DGKB: variants seen among roughly 807,000 people sequenced by gnomAD.
DGKB encodes the protein 90 kDa diacylglycerol kinase.
Under a neutral mutation model 114.3 loss-of-function variants are expected in DGKB, and 67 were observed. The ratio of observed to expected loss-of-function variants is 0.59; its 90% CI spans 0.48 to 0.72. The LOEUF (loss-of-function observed/expected upper bound fraction) is 0.72, where lower values mean the gene tolerates loss of function less well. Among genes scored for constraint, DGKB ranks in the 30% least tolerant of loss-of-function variants. DGKB has a pLI of 0.00. For missense variants in DGKB, 907 were observed against 975.2 expected (o/e 0.93, Z 0.93); for synonymous variants, 398 against 323.1 (o/e 1.23, Z -2.49).
chr7:14,884,797 T>A (rs577525077), intron 1 of DGKB, among the ~76,000 whole-genome samples: 1 of 152,054 alleles, frequency 6.6e-6, no homozygotes, highest in East Asian at 1.9e-4. Flanking sequence ...CAGAGGAAAT[T>A]AGGTAGGAAA....
intron 24 of DGKB, 88 bp from the exon 25 acceptor site, chr7:14,176,987 A>G (rs1282709327): frequency 1.2e-5 from 18 of 1,490,274 alleles, no homozygotes; most frequent in Non-Finnish European, 1.7e-5. Context: ...GAGACCAGGG[A>G]AGGCAATATG....
intron 1 of DGKB, among the ~76,000 whole-genome samples, chr7:14,853,867 CAAAAAAAAAAA>C (rs56269565): frequency 0.024 from 2,463 of 104,112 alleles, 76 homozygotes; most frequent in African/African-American, 0.082. Flanking sequence ...GACTCCGTCT[CAAAAAAAAAAA>C]AAAAAAAAAA....
intron 23 of DGKB, among the ~76,000 whole-genome samples, chr7:14,320,756 T>G (rs970866237): frequency 1.3e-5 from 2 of 152,058 alleles, no homozygotes; most frequent in African/African-American, 2.4e-5. Flanking sequence ...GATAAAGTAG[T>G]TAGAGCCATA....
At position 14,917,136 on chromosome 7, in the gene DGKB, G is replaced by A. The variant is rs1784280885; in HGVS notation, c.-188+57560C>T. ...AATATGTGGAACACAACAAAAGCAG[G>A]CTGAGAGGGGAAGTTTGTAGCACTG... is the stretch of plus-strand genomic sequence containing the variant. On this transcript the variant is annotated intron_variant, in intron 1 of 4. Transcript: ENST00000437998. 2.0e-5 allele frequency among the ~76,000 whole-genome samples: 3 copies of A among 151,852 alleles called. No individual in the cohort carries two copies. In the South Asian group the frequency reaches 6.2e-4, roughly 31 times the overall value.
At position 14,611,567 on chromosome 7, in the gene DGKB, A is replaced by T. The variant is rs1000771505; in HGVS notation, c.1358+1773T>A. Among the ~76,000 whole-genome samples the T allele has an allele frequency of 7.9e-5, 12 of 152,248 alleles. No individual in the cohort carries two copies. The East Asian group carries it at 2.3e-3, about 29-fold the overall frequency. On this transcript the variant is annotated intron_variant, in intron 16 of 25. Coordinates refer to ENST00000402815, the MANE Select transcript of DGKB (RefSeq NM_001350709.2). The stretch of plus-strand genomic sequence containing the variant: ...TGAAAACAGATCACCTTTAAAACAT[A>T]TTTACATTTCATTTGACTTCGCGTG...
chr7:14,322,225 A>G (rs189439205), intron 23 of DGKB, among the ~76,000 whole-genome samples: 2,009 of 152,224 alleles, frequency 0.013, 21 homozygotes, highest in Non-Finnish European at 0.024. Flanking sequence ...AGTGGCAGGG[A>G]TGAGTAGGTA....
At chr7:14,798,587 C>T (rs2128041687) in intron 2 of DGKB, among the ~76,000 whole-genome samples, 1 of 152,246 alleles carries the variant, frequency 6.6e-6, no homozygotes, top group Middle Eastern at 3.4e-3. Context: ...TTCCCTTGGT[C>T]CCTACAGTAC....
chr7:14,359,745 C>G (rs1404916880), intron 21 of DGKB, among the ~76,000 whole-genome samples: 2 of 152,086 alleles, frequency 1.3e-5, no homozygotes, highest in East Asian at 3.9e-4. Context: ...CAGAGAAATG[C>G]AAATCAAAAC....
intron 23 of DGKB, among the ~76,000 whole-genome samples, chr7:14,323,528 T>A (rs1166874748): frequency 6.6e-6 from 1 of 152,176 alleles, no homozygotes; most frequent in Non-Finnish European, 1.5e-5. Flanking sequence ...AAGCTTCTCT[T>A]AAGAGAGCAT....
At chr7:14,910,250 GAAAGAAA>G (rs1783918865) in intron 1 of DGKB, among the ~76,000 whole-genome samples, 1 of 9,312 alleles carries the variant, frequency 1.1e-4, no homozygotes, top group Non-Finnish European at 2.1e-4. Flanking sequence ...AAAAAAGAAA[GAAAGAAA>G]GAAAGAAAGA....
chr7:14,230,710 T>C (rs1270479525), intron 23 of DGKB, among the ~76,000 whole-genome samples: 1 of 142,608 alleles, frequency 7.0e-6, no homozygotes, highest in Non-Finnish European at 1.6e-5. Context: ...TTCTTACTAG[T>C]CTTATCTCTT....
chr7:14,749,381 T>C (rs948801333), intron 4 of DGKB, among the ~76,000 whole-genome samples: 1 of 152,146 alleles, frequency 6.6e-6, no homozygotes, highest in Non-Finnish European at 1.5e-5. Flanking sequence ...ATGAAAACTA[T>C]TTTAGCACTT....
At chr7:14,676,299 C>T (rs1349049370) in intron 12 of DGKB, among the ~76,000 whole-genome samples, 1 of 152,034 alleles carries the variant, frequency 6.6e-6, no homozygotes, top group African/African-American at 2.4e-5. Flanking sequence ...TCTGTATGTA[C>T]ACTTTCCTTC....
intron 20 of DGKB, among the ~76,000 whole-genome samples, chr7:14,573,987 G>A (rs1798757154): frequency 1.3e-5 from 2 of 151,932 alleles, no homozygotes; most frequent in South Asian, 4.1e-4. Context: ...CTTTGCTTAA[G>A]ACATGAAAAA....
At chr7:14,789,388 C>T (rs1840344433) in intron 2 of DGKB, among the ~76,000 whole-genome samples, 1 of 152,070 alleles carries the variant, frequency 6.6e-6, no homozygotes, top group Non-Finnish European at 1.5e-5. Flanking sequence ...TTCAAAAATG[C>T]TATGTGCATC....
intron 20 of DGKB, among the ~76,000 whole-genome samples, chr7:14,537,641 T>C (rs1792730432): frequency 6.6e-6 from 1 of 152,118 alleles, no homozygotes; most frequent in Admixed American, 6.6e-5. Context: ...CAAAACGGAT[T>C]AAAGACTTAA....
intron 21 of DGKB, among the ~76,000 whole-genome samples, chr7:14,402,164 T>C (rs1823223031): frequency 6.6e-6 from 1 of 151,802 alleles, no homozygotes. Context: ...ATTTCATATA[T>C]GACACTCAAT....
At chr7:14,210,008 T>TG (rs1329978258) in intron 23 of DGKB, among the ~76,000 whole-genome samples, 1 of 151,998 alleles carries the variant, frequency 6.6e-6, no homozygotes, top group Non-Finnish European at 1.5e-5. Context: ...ATGTGTACTG[T>TG]GGCAAAGCTG....
intron 13 of DGKB, among the ~76,000 whole-genome samples, chr7:14,655,332 T>C (rs918351551): frequency 1.3e-5 from 2 of 151,858 alleles, no homozygotes; most frequent in East Asian, 3.9e-4. Context: ...AAAACCACCA[T>C]AAGATATCAC....
Sources: gnomAD v4.1 joint callset for allele counts (sites outside exome capture counted in the v4.1 genomes callset) on GRCh38, gnomAD v4.1.1 for gene constraint, MANE v1.5 for transcripts, NCBI Gene and HGNC (gene_info 2026-07-23, HGNC 2026-07-21) for gene names.